The following DLG2 variants were observed in gnomAD, a reference collection of about 807,000 sequenced individuals.
DLG2 encodes the protein disks large homolog 2.
In DLG2, 45 loss-of-function variants were observed where a neutral mutation model predicts 132.5. The ratio of observed to expected loss-of-function variants is 0.34; its 90% CI spans 0.27 to 0.44. The LOEUF (loss-of-function observed/expected upper bound fraction) is 0.44, where lower values mean the gene tolerates loss of function less well. Ranked by LOEUF, DLG2 falls within the 20% of genes least tolerant of loss-of-function variation. The pLI is 1.00. For missense variants in DLG2, 1,045 were observed against 1,196.9 expected, an observed-to-expected ratio of 0.87 and a Z score of 1.87; for synonymous variants, 424 against 419.6, an observed-to-expected ratio of 1.01 and a Z score of -0.13.
intron 6 of DLG2, among the ~76,000 whole-genome samples, chr11:84,828,913 C>A (rs1359275399): frequency 2.0e-5 from 3 of 151,620 alleles, no homozygotes; most frequent in Middle Eastern, 3.2e-3. Flanking sequence ...ACTAATGCTG[C>A]CAATGCAATT....
chr11:84,377,089 A>G (rs1215940839), intron 7 of DLG2, among the ~76,000 whole-genome samples: 1 of 152,120 alleles, frequency 6.6e-6, no homozygotes, highest in Admixed American at 6.6e-5. Flanking sequence ...AGATATACAT[A>G]TTTTCTGATT....
chr11:84,354,229 G>C (rs2098597899), intron 7 of DLG2, among the ~76,000 whole-genome samples: 1 of 152,084 alleles, frequency 6.6e-6, no homozygotes, highest in Non-Finnish European at 1.5e-5. Flanking sequence ...TACCAAAGTG[G>C]AAGATTTCAG....
chr11:84,030,252 T>C (rs1014671738), intron 11 of DLG2, among the ~76,000 whole-genome samples: 30 of 152,164 alleles, frequency 2.0e-4, no homozygotes, highest in African/African-American at 7.2e-5. Context: ...ATTACATTAC[T>C]GATAATTGAG....
chr11:84,023,333 A>G (rs2095448350), intron 11 of DLG2, among the ~76,000 whole-genome samples: 1 of 152,210 alleles, frequency 6.6e-6, no homozygotes. Context: ...TAACAGCAAT[A>G]AAGACAAACA....
chr11:84,581,847 C>A (rs1264265596), intron 6 of DLG2, among the ~76,000 whole-genome samples: 1 of 144,202 alleles, frequency 6.9e-6, no homozygotes, highest in African/African-American at 2.6e-5. Context: ...GCGGAGGTTG[C>A]AGTCAGCCGA....
At chr11:84,237,424 G>A (rs2097172619) in intron 8 of DLG2, among the ~76,000 whole-genome samples, 1 of 152,100 alleles carries the variant, frequency 6.6e-6, no homozygotes, top group Non-Finnish European at 1.5e-5. Context: ...CATGCCATTT[G>A]ACCTATCTGA....
At chr11:84,992,547 T>C (rs2057234522) in intron 6 of DLG2, among the ~76,000 whole-genome samples, 1 of 152,156 alleles carries the variant, frequency 6.6e-6, no homozygotes, top group Admixed American at 6.5e-5. Context: ...TGGCACTTCA[T>C]CAGCATCTGT....
At chr11:83,651,195 CAATTG>C (rs1417431327) in intron 18 of DLG2, among the ~76,000 whole-genome samples, 1 of 151,910 alleles carries the variant, frequency 6.6e-6, no homozygotes, top group Non-Finnish European at 1.5e-5. Context: ...CAATAAATAT[CAATTG>C]AATTGAATAA....
At chr11:84,841,117 C>T (rs777682643) in intron 6 of DLG2, among the ~76,000 whole-genome samples, 1 of 151,564 alleles carries the variant, frequency 6.6e-6, no homozygotes, top group Non-Finnish European at 1.5e-5. Flanking sequence ...GAATGAACAT[C>T]ACATGACACC....
intron 18 of DLG2, among the ~76,000 whole-genome samples, chr11:83,685,551 G>C (rs1256176251): frequency 6.6e-6 from 1 of 151,944 alleles, no homozygotes; most frequent in Admixed American, 6.6e-5. Flanking sequence ...CGTCTCCTTT[G>C]CTGGGCGCTT....
chr11:83,931,747 G>A (rs57156838), intron 14 of DLG2, among the ~76,000 whole-genome samples: 13,755 of 152,076 alleles, frequency 0.09, 1,262 homozygotes, highest in African/African-American at 0.24. Context: ...TAATATTATC[G>A]TTTGATTCAC....
At chr11:84,135,476 C>T (rs756196) in intron 9 of DLG2, among the ~76,000 whole-genome samples, 117,206 of 151,980 alleles carry the variant, frequency 0.77, 45,775 homozygotes, top group Middle Eastern at 0.87. Context: ...TAAATAACAA[C>T]AGAGGGGAAA....
chr11:84,527,769 C>T (rs2099325747), intron 7 of DLG2, among the ~76,000 whole-genome samples: 2 of 152,072 alleles, frequency 1.3e-5, no homozygotes, highest in Non-Finnish European at 2.9e-5. Flanking sequence ...TGCCATTGAT[C>T]TTAAGACACA....
chr11:84,806,920 A>C (rs912356168), intron 6 of DLG2, among the ~76,000 whole-genome samples: 6 of 152,188 alleles, frequency 3.9e-5, no homozygotes, highest in Admixed American at 3.3e-4. Context: ...AATGAAAATA[A>C]GGTTTCTATG....
chr11:85,114,875 T>G (rs752155401), intron 5 of DLG2, among the ~76,000 whole-genome samples: 12 of 151,930 alleles, frequency 7.9e-5, no homozygotes, highest in Admixed American at 3.3e-4. Context: ...GTTAGAGTGC[T>G]TTGGAGTTTA....
intron 8 of DLG2, among the ~76,000 whole-genome samples, chr11:84,250,020 C>T (rs1473263283): frequency 2.6e-5 from 4 of 152,028 alleles, no homozygotes; most frequent in African/African-American, 4.8e-5. Flanking sequence ...TGCTCAGGAC[C>T]GCCAGAACCT....
chr11:83,769,628 A>G (rs1281111115), intron 18 of DLG2, among the ~76,000 whole-genome samples: 1 of 150,610 alleles, frequency 6.6e-6, no homozygotes, highest in African/African-American at 2.5e-5. Context: ...CAATGGCGCA[A>G]TCTCAGCTCA....
intron 7 of DLG2, among the ~76,000 whole-genome samples, chr11:84,255,585 A>AG (rs2097455318): frequency 6.6e-6 from 1 of 152,106 alleles, no homozygotes; most frequent in Non-Finnish European, 1.5e-5. Flanking sequence ...CGGCCCCCAA[A>AG]GCGCTGGGAG....
At chr11:85,124,826 AC>A (rs1371598825) in intron 5 of DLG2, among the ~76,000 whole-genome samples, 3 of 140,940 alleles carry the variant, frequency 2.1e-5, no homozygotes, top group African/African-American at 8.2e-5. Flanking sequence ...AGTTTTGAGC[AC>A]AGTAAAATTT....
Sources: gnomAD v4.1 joint callset for allele counts (sites outside exome capture counted in the v4.1 genomes callset) on GRCh38, gnomAD v4.1.1 for gene constraint, MANE v1.5 for transcripts, NCBI Gene and HGNC (gene_info 2026-07-23, HGNC 2026-07-21) for gene names.